Variants in CYP20A1 observed in about 807,000 individuals in gnomAD.
The protein encoded by CYP20A1 is cytochrome P450 family 20 subfamily A member 1, also known as cytochrome P450 20A1.
Under a neutral mutation model 61.4 loss-of-function variants are expected in CYP20A1, and 61 were observed. The observed-to-expected ratio is 0.99, with a 90% confidence interval of 0.81 to 1.23. CYP20A1 has a LOEUF of 1.23. Among genes scored for constraint, CYP20A1 ranks in the 50% most tolerant of loss-of-function variants. The probability of loss-of-function intolerance (pLI) is 0.00; values close to 1 mark genes in which losing one functional copy is unlikely to be tolerated. For missense variants in CYP20A1, 530 were observed against 542.4 expected (o/e 0.98, Z 0.23); for synonymous variants, 193 against 188.2 (o/e 1.03, Z -0.21).
Position 203,271,082 on chromosome 2 carries a change from A to ATT in CYP20A1, c.601-1566_601-1565dup, listed in dbSNP as rs1161241853. Reference sequence around the variant, plus strand: ...TATATATATATATATATATATATATATTTTTTTTTTTTTTTTTTTTTTTGA... The same window carrying ATT: ...TATATATATATATATATATATATATATTTTTTTTTTTTTTTTTTTTTTTTTGA... On this transcript the variant is annotated intron_variant, in intron 5 of 12. Coordinates refer to ENST00000356079, the MANE Select transcript of CYP20A1 (RefSeq NM_177538.3). 1.3e-3 allele frequency among the ~76,000 whole-genome samples: 41 copies of ATT among 31,636 alleles called. 2 individuals are homozygous for ATT. Among genetic ancestry groups the ATT allele is most frequent in the African/African-American group, 1.4e-3 (13 of 9,586 alleles). The allele number at this position is 31,636 out of a possible 152,430, so 20.8% of individuals were successfully genotyped here.
Position 203,285,596 on chromosome 2 carries a change from A to T in CYP20A1, c.851-16A>T. On this transcript the variant is annotated splice_polypyrimidine_tract_variant and intron_variant, in intron 8 of 12. Coordinates refer to ENST00000356079, the MANE Select transcript of CYP20A1 (RefSeq NM_177538.3). ...GTTAGCTATTTTCATTGTTATTCAT[A>T]TAATGTTTGACCTAGTGTGTACCTG... 1 of 1,546,772 alleles carries T rather than the reference A, an allele frequency of 6.5e-7. No individual in the cohort carries two copies. Among genetic ancestry groups the T allele is most frequent in the Non-Finnish European group, 8.6e-7 (1 of 1,156,350 alleles).
At chr2:203,295,073 C>T (rs1457468913) in intron 11 of CYP20A1, among the ~76,000 whole-genome samples, 6 of 147,600 alleles carry the variant, frequency 4.1e-5, no homozygotes, top group Non-Finnish European at 7.5e-5. Flanking sequence ...CTGCCTCAGC[C>T]TCCCTAGTAG....
Position 203,292,342 on chromosome 2 carries a change from C to A in CYP20A1, c.1148+16C>A. 6.3e-7 allele frequency: 1 copy of A among 1,585,288 alleles called. No individual in the cohort carries two copies. Among genetic ancestry groups the A allele is most frequent in the South Asian group, 1.1e-5 (1 of 90,198 alleles). On this transcript the variant is annotated intron_variant, in intron 11 of 12. Coordinates refer to ENST00000356079, the MANE Select transcript of CYP20A1 (RefSeq NM_177538.3). ...CTCCACACAAGTATGAAATATTTGT[C>A]ATTGTATTTGTGACTGTCAGTTTTT...
At chr2:203,243,401 T>G (rs2066329354) in intron 1 of CYP20A1, among the ~76,000 whole-genome samples, 1 of 146,350 alleles carries the variant, frequency 6.8e-6, no homozygotes, top group Non-Finnish European at 1.5e-5. Flanking sequence ...GCCTCTTTCT[T>G]TTTTTTTTAG....
At position 203,301,092 on chromosome 2, in the gene CYP20A1, A is replaced by G. The variant is rs1371855709; in HGVS notation, c.*4184A>G. Among the ~76,000 whole-genome samples, 1 of 149,226 alleles carries G rather than the reference A, an allele frequency of 6.7e-6. No individual in the cohort carries two copies. Among genetic ancestry groups the G allele is most frequent in the Non-Finnish European group, 1.5e-5 (1 of 67,418 alleles). ...ATGCCTTTAATCCCAGCTACTGGGG[A>G]GGCTGAAACAGGAGAATCGCTTGAA... On this transcript the variant is annotated 3_prime_UTR_variant, in exon 13 of 13. Coordinates refer to ENST00000356079, the MANE Select transcript of CYP20A1 (RefSeq NM_177538.3).
Position 203,278,568 on chromosome 2 carries a change from C to G in CYP20A1, c.680-5C>G. 1 of 1,486,314 alleles carries G rather than the reference C, an allele frequency of 6.7e-7. No homozygotes were observed. 92.1% of individuals were successfully genotyped at this position (1,486,314 alleles called of 1,614,324 possible). A position where few individuals can be genotyped will look rare whatever the true frequency, so the allele number is the denominator to read the frequency against. ...TTCTAAAATTATTTTGTTTTTTTCT[C>G]TAAGCCCTCATGCAACTGGAGTCTG... On this transcript the variant is annotated splice_region_variant and splice_polypyrimidine_tract_variant and intron_variant, in intron 6 of 12. Transcript: ENST00000356079.
rs2068928115 is a variant in CYP20A1 at position 203,299,188 on chromosome 2, A to G, written c.*2280A>G. Among the ~76,000 whole-genome samples, 2 of 152,156 alleles carry G rather than the reference A, an allele frequency of 1.3e-5. No individual in the cohort carries two copies. The highest frequency in any genetic ancestry group is 2.4e-5 in the African/African-American group (1 of 41,454). On this transcript the variant is annotated 3_prime_UTR_variant, in exon 13 of 13. Transcript: ENST00000356079. ...ATTCCTTTTTTTCTTTAAGACAGCC[A>G]CTGTAGGAAATATGCCAAGTACAGA...
rs1228259625 is a variant in CYP20A1, at chr2:203,242,816, T to C, written c.73-3030T>C. Among the ~76,000 whole-genome samples the C allele has an allele frequency of 2.0e-5, 3 of 151,764 alleles. No individual in the cohort carries two copies. In the East Asian group the frequency reaches 5.8e-4, roughly 29 times the overall value. On this transcript the variant is annotated intron_variant, in intron 1 of 12. Coordinates refer to ENST00000356079, the MANE Select transcript of CYP20A1 (RefSeq NM_177538.3). ...AAAAAAAAAAAAAGCTTAGGTTGCA[T>C]GGTCTGTTACTATAACCACTCCTTT... is the stretch of plus-strand genomic sequence containing the variant.
At chr2:203,259,773 C>T (rs1467330159) in intron 4 of CYP20A1, 1 of 151,014 alleles carries the variant, frequency 6.6e-6, no homozygotes, top group African/African-American at 2.4e-5. Flanking sequence ...GTCCCAGCTA[C>T]TTGGGAGGCT....
intron 8 of CYP20A1, among the ~76,000 whole-genome samples, chr2:203,280,753 C>T (rs1184568566): frequency 6.6e-6 from 1 of 152,098 alleles, no homozygotes; most frequent in Admixed American, 6.6e-5. Flanking sequence ...ATAATTTTTC[C>T]CTCTTTTTTA....
intron 4 of CYP20A1, among the ~76,000 whole-genome samples, chr2:203,254,923 G>A (rs910795377): frequency 1.3e-5 from 2 of 151,898 alleles, no homozygotes; most frequent in African/African-American, 4.8e-5. Context: ...CCTGGGAGGC[G>A]GAGGTTGCAG....
In CYP20A1 at chr2:203,302,253, G is replaced by A. The variant is rs563049304; in HGVS notation, c.*5345G>A. Among the ~76,000 whole-genome samples the A allele has an allele frequency of 2.2e-4, 33 of 152,260 alleles. No homozygotes were observed. The South Asian group carries it at 2.5e-3, about 11-fold the overall frequency. ...CACTGTTAAGATTCTAATGTAGGCCGGGCACAGTGACTCATGCCTATAACT... is the reference window on the plus strand; with the variant it reads ...CACTGTTAAGATTCTAATGTAGGCCAGGCACAGTGACTCATGCCTATAACT... On this transcript the variant is annotated 3_prime_UTR_variant, in exon 13 of 13. Transcript: ENST00000356079.
At chr2:203,285,109 A>T (rs2152102098) in intron 8 of CYP20A1, among the ~76,000 whole-genome samples, 1 of 152,158 alleles carries the variant, frequency 6.6e-6, no homozygotes, top group Non-Finnish European at 1.5e-5. Context: ...AACCACTCAC[A>T]AATTTTGAGC....
At chr2:203,268,666 T>A (rs144819575) in intron 5 of CYP20A1, among the ~76,000 whole-genome samples, 2 of 151,982 alleles carry the variant, frequency 1.3e-5, no homozygotes, top group African/African-American at 4.8e-5. Flanking sequence ...TTTCAAAGAA[T>A]TTTTTTTATT....
chr2:203,292,259 C>A lies in CYP20A1; in HGVS notation c.1084-3C>A. 6.3e-7 allele frequency: 1 copy of A among 1,595,190 alleles called. No homozygotes were observed. ...TGACTAATTGGATTTTTTTTTTTCA[C>A]AGACCCTCGTCCTTTATGCCCTTGG... On this transcript the variant is annotated splice_region_variant and splice_polypyrimidine_tract_variant and intron_variant, in intron 10 of 12. Transcript: ENST00000356079.
At chr2:203,241,585 A>G (rs2066257054) in intron 1 of CYP20A1, among the ~76,000 whole-genome samples, 1 of 152,356 alleles carries the variant, frequency 6.6e-6, no homozygotes, top group Admixed American at 6.5e-5. Context: ...TTTAAGCAGA[A>G]GAGGATAATC....
rs747384591 is a variant in CYP20A1 at position 203,296,798 on chromosome 2, G to A, written c.1279G>A (p.Val427Met). The A allele has an allele frequency of 6.2e-7, 1 of 1,609,036 alleles. No homozygotes were observed. The highest frequency in any genetic ancestry group is 1.7e-5 in the Admixed American group (1 of 58,848). The change falls in exon 13 of 13, where the codon GTG becomes ATG. Residue 427 changes from valine to methionine, a missense_variant. Coordinates refer to ENST00000356079, the MANE Select transcript of CYP20A1 (RefSeq NM_177538.3). Reference sequence around the variant, plus strand: ...GACCACAGTACTTCTTAGTGTATTGGTGAAGAGACTGCACCTACTTTCTGT... The same window carrying A: ...GACCACAGTACTTCTTAGTGTATTGATGAAGAGACTGCACCTACTTTCTGT... ...MVTTVLLSVL[V>M]KRLHLLSVEG...
intron 3 of CYP20A1, among the ~76,000 whole-genome samples, chr2:203,248,236 A>G (rs1018071628): frequency 6.6e-6 from 1 of 152,086 alleles, no homozygotes; most frequent in Admixed American, 6.6e-5. Flanking sequence ...TGTCTCTTGA[A>G]AAAAAAGAAT....
intron 3 of CYP20A1, among the ~76,000 whole-genome samples, chr2:203,250,758 C>G (rs931375993): frequency 6.6e-6 from 1 of 152,130 alleles, no homozygotes; most frequent in Non-Finnish European, 1.5e-5. Flanking sequence ...CTGTCTCTCT[C>G]TCTGTTAAGA....
Sources: gnomAD v4.1 joint callset for allele counts (sites outside exome capture counted in the v4.1 genomes callset) on GRCh38, gnomAD v4.1.1 for gene constraint, MANE v1.5 for transcripts, NCBI Gene and HGNC (gene_info 2026-07-23, HGNC 2026-07-21) for gene names.